Variants in NIPAL3 observed in about 807,000 individuals in gnomAD.
NIPAL3 encodes the protein NIPA like domain containing 3, also known as NIPA-like protein 3.
In NIPAL3, 41 loss-of-function variants were observed where a neutral mutation model predicts 47.2. The observed-to-expected ratio is 0.87, with a 90% CI of 0.68 to 1.13. NIPAL3 has a LOEUF of 1.13. NIPAL3 is among the 50% of genes most tolerant of loss of function. The pLI is 0.00. For missense variants in NIPAL3, 449 were observed against 530.1 expected, an observed-to-expected ratio of 0.85 and a Z score of 1.50; for synonymous variants, 194 against 209.6, an observed-to-expected ratio of 0.93 and a Z score of 0.64.
intron 2 of NIPAL3, among the ~76,000 whole-genome samples, chr1:24,434,858 G>GA (rs1645028201): frequency 6.6e-6 from 1 of 152,098 alleles, no homozygotes; most frequent in Admixed American, 6.5e-5. Flanking sequence ...ACAAGTCAAT[G>GA]AAAAAAATCA....
At chr1:24,453,023 T>C (rs1226211624) in intron 6 of NIPAL3, among the ~76,000 whole-genome samples, 1 of 152,020 alleles carries the variant, frequency 6.6e-6, no homozygotes, top group African/African-American at 2.4e-5. Context: ...ACCAAATAGG[T>C]TGGTGAACAA....
chr1:24,450,393 A>G (rs1645878959), intron 6 of NIPAL3, among the ~76,000 whole-genome samples: 1 of 152,130 alleles, frequency 6.6e-6, no homozygotes, highest in South Asian at 2.1e-4. Flanking sequence ...TTTTTTTCCC[A>G]GTATCACACT....
chr1:24,459,711 G>A (rs1167589037), intron 9 of NIPAL3, among the ~76,000 whole-genome samples: 1 of 152,254 alleles, frequency 6.6e-6, no homozygotes, highest in Non-Finnish European at 1.5e-5. Context: ...GGCCCATGCT[G>A]TGAGCAGCAC....
chr1:24,448,798 T>C (rs1223829435), intron 5 of NIPAL3, among the ~76,000 whole-genome samples: 1 of 152,094 alleles, frequency 6.6e-6, no homozygotes, highest in Non-Finnish European at 1.5e-5. Context: ...GAATTCCACC[T>C]CTCATTTTAT....
At position 24,456,186 on chromosome 1, in the gene NIPAL3, T is replaced by C; in HGVS notation, c.686T>C (p.Leu229Ser). ...AAGGCCGTGGCTGGGATGCTTGTCT[T>C]GTCCATTCAAGGGAACCTGCAGCTT... ...TVKAVAGMLV[L>S]SIQGNLQLDY... The change falls in exon 8 of 12, where the codon TTG becomes TCG. Residue 229 changes from leucine to serine, a missense_variant. Physicochemically the swap from Leu to Ser is moderately radical, Grantham distance 145 (BLOSUM62 -2). Coordinates refer to ENST00000374399, the MANE Select transcript of NIPAL3 (RefSeq NM_020448.5). 3 of 1,614,230 alleles carry C rather than the reference T, an allele frequency of 1.9e-6. No individual in the cohort carries two copies. Among genetic ancestry groups the C allele is most frequent in the Non-Finnish European group, 2.5e-6 (3 of 1,180,038 alleles).
intron 2 of NIPAL3, among the ~76,000 whole-genome samples, chr1:24,430,765 T>G (rs1309993340): frequency 6.6e-6 from 1 of 152,230 alleles, no homozygotes; most frequent in Non-Finnish European, 1.5e-5. Flanking sequence ...TGCCTGTAAC[T>G]TTTTTCACCT....
chr1:24,415,790 C>G, upstream of NIPAL3: 1 of 969,334 alleles, frequency 1.0e-6, no homozygotes, highest in Non-Finnish European at 1.2e-6. Flanking sequence ...ACTGCAGCAT[C>G]TTGGCAGCTC....
chr1:24,458,584 T>G (rs1570362965), intron 8 of NIPAL3, among the ~76,000 whole-genome samples: 4 of 149,646 alleles, frequency 2.7e-5, no homozygotes, highest in South Asian at 2.1e-4. Flanking sequence ...ATACGGGGGG[T>G]GAGGAGAAGG....
chr1:24,441,551 C>T (rs766731681), intron 3 of NIPAL3, among the ~76,000 whole-genome samples: 1 of 152,190 alleles, frequency 6.6e-6, no homozygotes, highest in Non-Finnish European at 1.5e-5. Context: ...GCAAGGCCCA[C>T]TGATACCCAC....
rs1260714769 is a variant in NIPAL3 at position 24,454,133 on chromosome 1, C to G, written c.637+629C>G. On this transcript the variant is annotated intron_variant, in intron 7 of 11. Coordinates refer to ENST00000374399, the MANE Select transcript of NIPAL3 (RefSeq NM_020448.5). This position sits in a 1 kb window ranked among gnomAD's most constrained non-coding sequence, Gnocchi z 4.1. The stretch of plus-strand genomic sequence containing the variant: ...CCTTGACCTCCTGGCCTCAAGTGAT[C>G]CCCCTGCCTCGGCCTCCCAAAGTGC... 2.4e-6 allele frequency: 3 copies of G among 1,229,030 alleles called. No individual in the cohort carries two copies. The highest frequency in any genetic ancestry group is 2.7e-5 in the South Asian group (2 of 73,980). 76.1% of individuals were successfully genotyped at this position (1,229,030 alleles called of 1,614,324 possible).
chr1:24,455,364 T>C (rs6702484), intron 7 of NIPAL3, among the ~76,000 whole-genome samples: 22,296 of 152,264 alleles, frequency 0.15, 1,812 homozygotes, highest in African/African-American at 0.23. Context: ...ATTTTTTCTC[T>C]GCCTTTTAAA....
intron 5 of NIPAL3, 26 bp downstream of exon 5, chr1:24,445,270 C>T (rs768864793): frequency 1.6e-5 from 24 of 1,545,278 alleles, no homozygotes; most frequent in East Asian, 2.2e-5. Flanking sequence ...TGAGCTGTGT[C>T]CTTGATTTTA....
rs1646122774 is a variant in NIPAL3 at position 24,454,886 on chromosome 1, T to C, written c.638-1252T>C. 6.6e-6 allele frequency: 1 copy of C among 152,236 alleles called. No individual in the cohort carries two copies. The highest frequency in any genetic ancestry group is 2.4e-5 in the African/African-American group (1 of 41,462). 9.4% of individuals were successfully genotyped at this position (152,236 alleles called of 1,614,324 possible). ...AGGTTCACCCACATCATAGCATGAA[T>C]CAGTCCTTCATTCCTCGGTGACTTT... On this transcript the variant is annotated intron_variant, in intron 7 of 11. Coordinates refer to ENST00000374399, the MANE Select transcript of NIPAL3 (RefSeq NM_020448.5). The surrounding 1 kb of genome is among the most constrained non-coding windows in gnomAD (Gnocchi z 4.1).
At chr1:24,461,158 C>A (rs1646451136) in intron 10 of NIPAL3, among the ~76,000 whole-genome samples, 1 of 152,152 alleles carries the variant, frequency 6.6e-6, no homozygotes, top group African/African-American at 2.4e-5. Context: ...TATGCCATAT[C>A]CAGATAATAG....
At chr1:24,439,233 T>C (rs943868785) in intron 2 of NIPAL3, among the ~76,000 whole-genome samples, 2 of 152,068 alleles carry the variant, frequency 1.3e-5, no homozygotes, top group Non-Finnish European at 2.9e-5. Context: ...AGCCTAAATA[T>C]CCAGTAATAG....
chr1:24,465,928 C>T (rs1411080634), intron 11 of NIPAL3: 1 of 1,510,486 alleles, frequency 6.6e-7, no homozygotes, highest in Non-Finnish European at 8.9e-7. Flanking sequence ...TGAACAGTCT[C>T]AGTCTAAACA....
At chr1:24,467,253 G>A (rs565210427) in intron 11 of NIPAL3, among the ~76,000 whole-genome samples, 1 of 152,092 alleles carries the variant, frequency 6.6e-6, no homozygotes, top group Admixed American at 6.6e-5. Flanking sequence ...CACAAGGTCA[G>A]GAGATCGAGA....
intron 2 of NIPAL3, among the ~76,000 whole-genome samples, chr1:24,422,572 A>G (rs577702278): frequency 6.6e-6 from 1 of 152,222 alleles, no homozygotes; most frequent in South Asian, 2.1e-4. Flanking sequence ...TTGCATAGCT[A>G]GGCTAGAAAC....
At chr1:24,446,131 A>C (rs1196609668) in intron 5 of NIPAL3, among the ~76,000 whole-genome samples, 1 of 151,478 alleles carries the variant, frequency 6.6e-6, no homozygotes, top group Non-Finnish European at 1.5e-5. Context: ...AGATACAATA[A>C]ACAAGCAACT....
Sources: allele counts gnomAD v4.1 joint callset (sites outside exome capture counted in the v4.1 genomes callset), GRCh38; gene constraint gnomAD v4.1.1; non-coding constraint Gnocchi (gnomAD v3.1); transcripts MANE v1.5; gene names NCBI Gene and HGNC (gene_info 2026-07-23, HGNC 2026-07-21).